The following BTRC variants were observed in gnomAD, a reference collection of about 807,000 sequenced individuals.
BTRC encodes beta-transducin repeat containing E3 ubiquitin protein ligase, also known as F-box/WD repeat-containing protein 1A.
BTRC carries 42 observed loss-of-function variants against 85.5 expected under a neutral mutation model. The ratio of observed to expected loss-of-function variants is 0.49; its 90% CI spans 0.38 to 0.64. The LOEUF (loss-of-function observed/expected upper bound fraction) is 0.64. BTRC is among the 30% of genes least tolerant of loss of function. The probability of loss-of-function intolerance (pLI) is 0.00; values close to 1 mark genes in which losing one functional copy is unlikely to be tolerated. For missense variants in BTRC, 594 were observed against 743.5 expected (o/e 0.80, Z 2.34); for synonymous variants, 255 against 263.3 (o/e 0.97, Z 0.30).
chr10:101,430,250 C>G, intron 1 of BTRC, 95 bp from the exon 2 acceptor site: 1 of 687,308 alleles, frequency 1.5e-6, no homozygotes, highest in Non-Finnish European at 2.4e-6. Context: ...TCAGCTGCAA[C>G]TGGAATATTG....
chr10:101,509,799 CA>C (rs1207986213), intron 4 of BTRC, among the ~76,000 whole-genome samples: 1 of 148,352 alleles, frequency 6.7e-6, no homozygotes, highest in Non-Finnish European at 1.5e-5. Flanking sequence ...TGGGTTCAAG[CA>C]GTCCTTCTGC....
chr10:101,503,103 T>C (rs1946435248), intron 4 of BTRC, among the ~76,000 whole-genome samples: 2 of 152,172 alleles, frequency 1.3e-5, no homozygotes, highest in South Asian at 4.1e-4. Context: ...TTACTGAAGA[T>C]CACACTCCAG....
chr10:101,473,434 C>T (rs1215509238), intron 3 of BTRC, among the ~76,000 whole-genome samples: 2 of 149,838 alleles, frequency 1.3e-5, no homozygotes, highest in Non-Finnish European at 3.0e-5. Flanking sequence ...CAGGTGTGCA[C>T]CACTATACCC....
chr10:101,430,893 T>C (rs1227722286), intron 2 of BTRC, among the ~76,000 whole-genome samples: 1 of 152,112 alleles, frequency 6.6e-6, no homozygotes, highest in Non-Finnish European at 1.5e-5. Flanking sequence ...CTTCAGAGTA[T>C]CTCCTGGTAA....
chr10:101,536,117 C>T (rs2062381384), intron 11 of BTRC, among the ~76,000 whole-genome samples: 1 of 152,182 alleles, frequency 6.6e-6, no homozygotes, highest in African/African-American at 2.4e-5. Context: ...CTGTCCTGGA[C>T]AGTGGTGAAA....
rs553715892 is a variant in BTRC at position 101,464,875 on chromosome 10, TGTG to T, written c.234+2823_234+2825del. 2.6e-5 allele frequency among the ~76,000 whole-genome samples: 4 copies of T among 152,248 alleles called. No individual in the cohort carries two copies. The South Asian group carries it at 8.3e-4, about 32-fold the overall frequency. On this transcript the variant is annotated intron_variant, in intron 3 of 14. Transcript: ENST00000370187. ...TTACTGTTGGCTTGTGTCTGTCTAT[TGTG>T]GTGGTCACTCCCTAGGAGCTTGCCC...
chr10:101,449,285 CA>C (rs1278577337), intron 2 of BTRC, among the ~76,000 whole-genome samples: 1 of 150,594 alleles, frequency 6.6e-6, no homozygotes, highest in Non-Finnish European at 1.5e-5. Context: ...CAAAAAGAAA[CA>C]AAAAACCAGG....
chr10:101,484,692 A>G (rs1389762878), intron 4 of BTRC, among the ~76,000 whole-genome samples: 1 of 152,246 alleles, frequency 6.6e-6, no homozygotes, highest in Non-Finnish European at 1.5e-5. Context: ...TTAGCTTTAC[A>G]GAGAACATAC....
At position 101,479,579 on chromosome 10, in the gene BTRC, A is replaced by G. The variant is rs987526933; in HGVS notation, c.324+122A>G. 1.4e-5 allele frequency: 9 copies of G among 657,128 alleles called. No homozygotes were observed. In the African/African-American group the frequency reaches 1.5e-4, roughly 11 times the overall value. The allele number at this position is 657,128 out of a possible 1,614,324, so 40.7% of individuals were successfully genotyped here. The stretch of plus-strand genomic sequence containing the variant: ...GATTATATAGTTAAGAAAAAAATAC[A>G]AACAGGCATCATTTTATCTAGAACA... On this transcript the variant is annotated intron_variant, in intron 4 of 14. Transcript: ENST00000370187.
At chr10:101,470,715 G>A (rs1945502394) in intron 3 of BTRC, among the ~76,000 whole-genome samples, 1 of 152,108 alleles carries the variant, frequency 6.6e-6, no homozygotes, top group South Asian at 2.1e-4. Flanking sequence ...ATTCTTCTAA[G>A]TTTTCTTCTG....
intron 3 of BTRC, among the ~76,000 whole-genome samples, chr10:101,465,142 G>A (rs1945340393): frequency 6.6e-6 from 1 of 151,868 alleles, no homozygotes; most frequent in Non-Finnish European, 1.5e-5. Context: ...GTCAACTTCT[G>A]TAGACAAAAA....
At chr10:101,433,411 TAAA>T (rs1944450415) in intron 2 of BTRC, among the ~76,000 whole-genome samples, 1 of 152,022 alleles carries the variant, frequency 6.6e-6, no homozygotes, top group South Asian at 2.1e-4. Context: ...AAGTTTGAGG[TAAA>T]GAAGATCAGG....
rs1471017781 is a variant in BTRC, at chr10:101,389,115, G to GTTTTTTTTTTTTTTTTTTTTTTT, written c.48+34888_48+34889insTTTTTTTTTTTTTTTTTTTTTTT. Among the ~76,000 whole-genome samples the GTTTTTTTTTTTTTTTTTTTTTTT allele has an allele frequency of 2.3e-4, 8 of 35,462 alleles. 2 individuals are homozygous for GTTTTTTTTTTTTTTTTTTTTTTT. Among genetic ancestry groups the GTTTTTTTTTTTTTTTTTTTTTTT allele is most frequent in the Non-Finnish European group, 3.5e-4 (7 of 20,258 alleles). 23.3% of individuals were successfully genotyped at this position (35,462 alleles called of 152,430 possible). A position where few individuals can be genotyped will look rare whatever the true frequency, so the allele number is the denominator to read the frequency against. On this transcript the variant is annotated intron_variant, in intron 1 of 14. Coordinates refer to ENST00000370187, the MANE Select transcript of BTRC (RefSeq NM_033637.4). ...ATGTTGCATAATTGTGATTTTTTGT[G>GTTTTTTTTTTTTTTTTTTTTTTT]TGTGTTTTTTTTTTTTTTTTTTTTT...
At chr10:101,454,840 T>G (rs1208918095) in intron 2 of BTRC, among the ~76,000 whole-genome samples, 2 of 152,144 alleles carry the variant, frequency 1.3e-5, no homozygotes, top group Non-Finnish European at 2.9e-5. Context: ...TTGGTGAGAC[T>G]ATGAAGAAAC....
rs747705989 is a variant in BTRC, at chr10:101,526,016, G to A, written c.560G>A (p.Arg187Gln). 2.9e-5 allele frequency: 47 copies of A among 1,612,782 alleles called. No individual in the cohort carries two copies. Among genetic ancestry groups the A allele is most frequent in the Admixed American group, 1.7e-4 (10 of 59,920 alleles). Residue 187 changes from arginine to glutamine, a missense_variant, in exon 6 of 15, where the codon CGG becomes CAG. By Grantham distance (43) the Arg-to-Gln change is conservative. Around this residue, in one of 4 missense-constraint regions of BTRC, gnomAD observed 373 missense variants for 503.6 expected, o/e 0.74. Coordinates refer to ENST00000370187, the MANE Select transcript of BTRC (RefSeq NM_033637.4). ...TGCCTCCTCCCCCTACTGAAAGCTC[G>A]GGGATTGGATCATATTGCTGAGAAC... The part of the protein sequence containing the change: ...QRDFITALPA[R>Q]GLDHIAENIL...
chr10:101,477,041 A>T (rs1318285981), intron 3 of BTRC, among the ~76,000 whole-genome samples: 4 of 152,172 alleles, frequency 2.6e-5, no homozygotes, highest in African/African-American at 9.7e-5. Context: ...CCGTGGCACG[A>T]TCTAGGCTTA....
chr10:101,432,154 G>C (rs534004759), intron 2 of BTRC, among the ~76,000 whole-genome samples: 1 of 146,150 alleles, frequency 6.8e-6, no homozygotes, highest in African/African-American at 2.5e-5. Context: ...TTTTGAGACA[G>C]TCTTGCTCTG....
chr10:101,387,528 C>CTTTTTTTTTGTTTTTTTTTTTTTT (rs1943111679), intron 1 of BTRC, among the ~76,000 whole-genome samples: 1 of 45,122 alleles, frequency 2.2e-5, no homozygotes, highest in East Asian at 1.3e-3. Context: ...CTTCATGGGA[C>CTTTTTTTTTGTTTTTTTTTTTTTT]TTTTTTTTTT....
At chr10:101,403,888 C>A (rs1026761651) in intron 1 of BTRC, among the ~76,000 whole-genome samples, 2 of 151,244 alleles carry the variant, frequency 1.3e-5, no homozygotes, top group Non-Finnish European at 2.9e-5. Context: ...AGCTACTGCA[C>A]CTGGCCCATT....
Sources: allele counts gnomAD v4.1 joint callset (sites outside exome capture counted in the v4.1 genomes callset), GRCh38; gene constraint gnomAD v4.1.1; regional missense constraint gnomAD v4.1.1; transcripts MANE v1.5; gene names NCBI Gene and HGNC (gene_info 2026-07-23, HGNC 2026-07-21).